LTBP1: variants seen among roughly 807,000 people sequenced by gnomAD.
The protein encoded by LTBP1 is latent transforming growth factor beta binding protein 1.
LTBP1 carries 129 observed loss-of-function variants against 207.6 expected under a neutral mutation model. That is an observed-to-expected ratio of 0.62 (90% CI 0.54 to 0.72). LTBP1 has a LOEUF of 0.72. Ranked by LOEUF, LTBP1 falls within the 30% of genes least tolerant of loss-of-function variation. The pLI is 0.00. For missense variants in LTBP1, 2,281 were observed against 2,217.2 expected, an observed-to-expected ratio of 1.03 and a Z score of -0.58; for synonymous variants, 963 against 833.7, an observed-to-expected ratio of 1.16 and a Z score of -2.67.
At chr2:32,983,411 G>A (rs1373343384) in intron 2 of LTBP1, among the ~76,000 whole-genome samples, 2 of 152,172 alleles carry the variant, frequency 1.3e-5, no homozygotes, top group Non-Finnish European at 2.9e-5. Context: ...ACTTTGGACT[G>A]TGGACTTTTG....
At chr2:33,373,039 T>G (rs963964769) in intron 31 of LTBP1, among the ~76,000 whole-genome samples, 1 of 152,178 alleles carries the variant, frequency 6.6e-6, no homozygotes, top group Admixed American at 6.5e-5. Context: ...TTTATATTGT[T>G]AAAATAATTA....
chr2:33,368,018 C>G (rs1216039897), intron 31 of LTBP1, among the ~76,000 whole-genome samples: 3 of 152,018 alleles, frequency 2.0e-5, no homozygotes, highest in African/African-American at 7.2e-5. Context: ...AGATCAAGAC[C>G]ATACTGGCTA....
At chr2:33,332,107 T>A (rs2094500320) in intron 24 of LTBP1, among the ~76,000 whole-genome samples, 1 of 152,118 alleles carries the variant, frequency 6.6e-6, no homozygotes, top group Admixed American at 6.5e-5. Context: ...TTTTTGTTTG[T>A]ACAGTTGTAT....
intron 4 of LTBP1, among the ~76,000 whole-genome samples, chr2:33,131,249 G>T (rs1026038869): frequency 6.6e-6 from 1 of 152,210 alleles, no homozygotes; most frequent in Non-Finnish European, 1.5e-5. Flanking sequence ...ATGCAAAGAA[G>T]ATGCTTCTGA....
intron 2 of LTBP1, among the ~76,000 whole-genome samples, chr2:33,006,556 G>A (rs1686903132): frequency 6.6e-6 from 1 of 151,414 alleles, no homozygotes; most frequent in Non-Finnish European, 1.5e-5. Flanking sequence ...GCTAATTTTT[G>A]TATTTTATTA....
chr2:32,972,007 T>G (rs1441984159), intron 2 of LTBP1, among the ~76,000 whole-genome samples: 2 of 152,164 alleles, frequency 1.3e-5, no homozygotes, highest in African/African-American at 4.8e-5. Flanking sequence ...GGGTTCCAGT[T>G]TCTTCCTAGT....
intron 5 of LTBP1, among the ~76,000 whole-genome samples, chr2:33,151,204 A>G (rs923922015): frequency 6.6e-6 from 1 of 152,164 alleles, no homozygotes; most frequent in African/African-American, 2.4e-5. Context: ...TAATGTTGCT[A>G]TGAGCCCTGA....
At chr2:33,080,387 C>T (rs993541418) in intron 3 of LTBP1, among the ~76,000 whole-genome samples, 2 of 152,076 alleles carry the variant, frequency 1.3e-5, no homozygotes, top group Non-Finnish European at 2.9e-5. Flanking sequence ...TTGAAAAGGC[C>T]CTGGAGTCCT....
intron 9 of LTBP1, among the ~76,000 whole-genome samples, chr2:33,224,578 A>T (rs2091326012): frequency 6.6e-6 from 1 of 152,176 alleles, no homozygotes; most frequent in Non-Finnish European, 1.5e-5. Context: ...TTTCTTTTAG[A>T]AAGTGTTTCG....
chr2:32,997,410 T>C (rs1356379066), intron 2 of LTBP1, among the ~76,000 whole-genome samples: 1 of 152,184 alleles, frequency 6.6e-6, no homozygotes, highest in Non-Finnish European at 1.5e-5. Flanking sequence ...CCCAGGAGGC[T>C]GAGGCAGAGG....
intron 7 of LTBP1, among the ~76,000 whole-genome samples, chr2:33,216,536 T>A (rs546080043): frequency 6.6e-6 from 1 of 152,148 alleles, no homozygotes; most frequent in Non-Finnish European, 1.5e-5. Flanking sequence ...GTGAAAGTTT[T>A]TAATCGGTAA....
At chr2:33,366,218 T>C (rs954704656) in intron 31 of LTBP1, among the ~76,000 whole-genome samples, 1 of 152,184 alleles carries the variant, frequency 6.6e-6, no homozygotes. Context: ...CATAGCACCT[T>C]CTCATTAAAG....
chr2:33,273,787 A>G lies in LTBP1; in HGVS notation c.2743+6A>G. ...ACAACAGAGGAAATGTGTGGGTAAG[A>G]GACAATTTGATTGACTAAATTATTA... On this transcript the variant is annotated splice_donor_region_variant and intron_variant, in intron 16 of 33. Coordinates refer to ENST00000404816, the MANE Select transcript of LTBP1 (RefSeq NM_206943.4). 6.3e-7 allele frequency: 1 copy of G among 1,585,718 alleles called. No homozygotes were observed. The highest frequency in any genetic ancestry group is 8.5e-7 in the Non-Finnish European group (1 of 1,170,568).
At chr2:33,373,210 G>A (rs2095092141) in intron 31 of LTBP1, among the ~76,000 whole-genome samples, 1 of 152,106 alleles carries the variant, frequency 6.6e-6, no homozygotes, top group African/African-American at 2.4e-5. Flanking sequence ...GTAGAAAGAT[G>A]GTTTTAAAAC....
intron 3 of LTBP1, among the ~76,000 whole-genome samples, chr2:33,105,182 G>T (rs2079988023): frequency 6.6e-6 from 1 of 152,114 alleles, no homozygotes; most frequent in Admixed American, 6.5e-5. Context: ...AATACTGAGG[G>T]TTCACATCCA....
Position 33,186,979 on chromosome 2 carries a change from T to C in LTBP1, c.1325T>C (p.Leu442Pro). The C allele has an allele frequency of 6.2e-7, 1 of 1,614,206 alleles. No homozygotes were observed. Among genetic ancestry groups the C allele is most frequent in the Non-Finnish European group, 8.5e-7 (1 of 1,180,034 alleles). ...GTCCATGGTGCCAGCGTGCCTAAAC[T>C]TTATCAGCATTCCCAGCAGCCAGGC... The part of the protein sequence containing the change: ...IPVHGASVPK[L>P]YQHSQQPGKA... Residue 442 changes from leucine (L) to proline (P), a missense_variant, in exon 6 of 34, where the codon CTT becomes CCT. Transcript: ENST00000404816.
intron 3 of LTBP1, among the ~76,000 whole-genome samples, chr2:33,050,705 G>A (rs897008978): frequency 2.6e-5 from 4 of 151,574 alleles, no homozygotes; most frequent in Non-Finnish European, 4.4e-5. Context: ...TTCCATTCTG[G>A]CTTTATGATC....
intron 3 of LTBP1, among the ~76,000 whole-genome samples, chr2:33,090,649 G>A (rs2079029301): frequency 1.3e-5 from 2 of 152,158 alleles, no homozygotes; most frequent in Non-Finnish European, 2.9e-5. Context: ...CTAGGGGGTA[G>A]GGAGGCTAGA....
In LTBP1 at chr2:33,275,792, T is replaced by C. The variant is rs2093414213; in HGVS notation, c.2870-9T>C. 6.2e-7 allele frequency: 1 copy of C among 1,613,864 alleles called. No homozygotes were observed. The highest frequency in any genetic ancestry group is 1.3e-5 in the African/African-American group (1 of 74,932). Reference sequence around the variant, plus strand: ...CACAAAACTCAACAATGCTATCTGCTCTTCGTAGATGTTGACGAATGCCTG... The same window carrying C: ...CACAAAACTCAACAATGCTATCTGCCCTTCGTAGATGTTGACGAATGCCTG... On this transcript the variant is annotated splice_polypyrimidine_tract_variant and intron_variant, in intron 17 of 33. Transcript: ENST00000404816.
Sources: gnomAD v4.1 joint callset for allele counts (sites outside exome capture counted in the v4.1 genomes callset) on GRCh38, gnomAD v4.1.1 for gene constraint, MANE v1.5 for transcripts, NCBI Gene and HGNC (gene_info 2026-07-23, HGNC 2026-07-21) for gene names.